Variants in ANKLE2 observed in about 807,000 individuals in gnomAD.
The protein encoded by ANKLE2 is ankyrin repeat and LEM domain-containing protein 2.
A neutral mutation model predicts 84.2 loss-of-function variants in ANKLE2; 55 were observed. The observed-to-expected ratio is 0.65, with a 90% confidence interval of 0.53 to 0.82. The LOEUF is 0.82. ANKLE2 is among the 40% of genes least tolerant of loss of function. The probability of loss-of-function intolerance (pLI) is 0.00; values close to 1 mark genes in which losing one functional copy is unlikely to be tolerated. For synonymous variants in ANKLE2, 551 were observed against 486.1 expected (o/e 1.13, Z -1.76); for missense variants, 1,238 against 1,201.9 (o/e 1.03, Z -0.44).
intron 9 of ANKLE2, chr12:132,734,796 G>A (rs147509638): frequency 1.9e-5 from 10 of 522,982 alleles, no homozygotes; most frequent in South Asian, 7.4e-5. Flanking sequence ...CTCAGGAGCC[G>A]TGAACCGGCT....
chr12:132,750,563 A>AC, intron 3 of ANKLE2, 80 bp downstream of exon 3: 1 of 1,487,658 alleles, frequency 6.7e-7, no homozygotes, highest in Non-Finnish European at 9.3e-7. Context: ...ACAAGTTACC[A>AC]CATCAGAGGA....
chr12:132,726,989 A>T lies in ANKLE2; in HGVS notation c.*253T>A. 2.0e-6 allele frequency: 1 copy of T among 504,312 alleles called. No individual in the cohort carries two copies. The highest frequency in any genetic ancestry group is 3.4e-6 in the Non-Finnish European group (1 of 291,514). 31.2% of individuals were successfully genotyped at this position (504,312 alleles called of 1,614,324 possible). A position where few individuals can be genotyped will look rare whatever the true frequency, so the allele number is the denominator to read the frequency against. On this transcript the variant is annotated 3_prime_UTR_variant, in exon 13 of 13. Transcript: ENST00000357997. The stretch of plus-strand genomic sequence containing the variant: ...TCAGACCTAGAAATTGCCACCTAAA[A>T]AGTCTACCATTACCACATGGATATT...
intron 10 of ANKLE2, 26 bp from the exon 11 acceptor site, chr12:132,730,296 A>C (rs367899576): frequency 2.9e-5 from 44 of 1,526,448 alleles, no homozygotes; most frequent in Non-Finnish European, 3.6e-5. Context: ...GGAGCACTTC[A>C]GTGATGGGAA....
chr12:132,749,518 C>T (rs1021511734), intron 3 of ANKLE2, among the ~76,000 whole-genome samples: 3 of 152,160 alleles, frequency 2.0e-5, no homozygotes, highest in Non-Finnish European at 4.4e-5. Flanking sequence ...GAAGGAAATC[C>T]GTACCTGTTA....
In ANKLE2 at chr12:132,729,281, G is replaced by A. The variant is rs536125980; in HGVS notation, c.2483+398C>T. Among the ~76,000 whole-genome samples the A allele has an allele frequency of 1.8e-3, 257 of 139,950 alleles. 2 individuals are homozygous for A. Among genetic ancestry groups the A allele is most frequent in the African/African-American group, 6.8e-3 (248 of 36,650 alleles). 91.8% of individuals were successfully genotyped at this position (139,950 alleles called of 152,430 possible). A position where few individuals can be genotyped will look rare whatever the true frequency, so the allele number is the denominator to read the frequency against. ...CAGGAGAATTGGTTGAACCTGGGAG[G>A]TGGAGGTTACAGTGAGCTGTGATCG... is the stretch of plus-strand genomic sequence containing the variant. On this transcript the variant is annotated intron_variant, in intron 11 of 12. Coordinates refer to ENST00000357997, the MANE Select transcript of ANKLE2 (RefSeq NM_015114.3).
At chr12:132,741,570 A>G (rs2044124021) in intron 6 of ANKLE2, 85 bp from the exon 7 acceptor site, 2 of 1,337,414 alleles carry the variant, frequency 1.5e-6, no homozygotes, top group African/African-American at 1.5e-5. Flanking sequence ...ATAGTTTTAA[A>G]CTCAGTAAAG....
chr12:132,740,446 G>T (rs2044098037), intron 7 of ANKLE2, among the ~76,000 whole-genome samples: 1 of 152,134 alleles, frequency 6.6e-6, no homozygotes, highest in Non-Finnish European at 1.5e-5. Flanking sequence ...TGCAAATGGT[G>T]GTGACAGCTT....
intron 9 of ANKLE2, 188 bp from the exon 10 acceptor site, chr12:132,734,763 G>A: frequency 3.3e-6 from 2 of 599,448 alleles, no homozygotes; most frequent in Non-Finnish European, 5.7e-6. Context: ...CCTCCTCACA[G>A]GTAAGCAGGA....
rs1351252158 is a variant in ANKLE2 at position 132,726,735 on chromosome 12, G to A, written c.*507C>T. On this transcript the variant is annotated 3_prime_UTR_variant, in exon 13 of 13. Coordinates refer to ENST00000357997, the MANE Select transcript of ANKLE2 (RefSeq NM_015114.3). ...CCTCTGTCTGAACCATGAGACCCAC[G>A]GGCGAACCAACAGGCACTCTGCCAC... is the stretch of plus-strand genomic sequence containing the variant. 1 of 153,010 alleles carries A rather than the reference G, an allele frequency of 6.5e-6. No individual in the cohort carries two copies. Among genetic ancestry groups the A allele is most frequent in the Non-Finnish European group, 1.5e-5 (1 of 68,646 alleles). 9.5% of individuals were successfully genotyped at this position (153,010 alleles called of 1,614,324 possible).
Position 132,754,965 on chromosome 12 carries a change from A to G in ANKLE2, c.350T>C (p.Leu117Pro), listed in dbSNP as rs1362246440. The change falls in exon 2 of 13, where the codon CTG becomes CCG. Residue 117 changes from leucine (L) to proline (P), a missense_variant. Leu to Pro is a moderately conservative substitution (Grantham distance 98, BLOSUM62 -3). Coordinates refer to ENST00000357997, the MANE Select transcript of ANKLE2 (RefSeq NM_015114.3). Reference protein sequence around the residue: ...AQALLEQGGRLSSFYHHEAGV... With the variant: ...AQALLEQGGRPSSFYHHEAGV... Reference sequence around the variant, plus strand: ...TGCCTCATGGTGGTAGAAAGAAGACAGCCTTCCTCCTTGCTCCAGTAAAGC... The same window carrying G: ...TGCCTCATGGTGGTAGAAAGAAGACGGCCTTCCTCCTTGCTCCAGTAAAGC... The G allele has an allele frequency of 6.2e-7, 1 of 1,614,230 alleles. No individual in the cohort carries two copies. The highest frequency in any genetic ancestry group is 2.2e-5 in the East Asian group (1 of 44,884).
rs1458246706 is a variant in ANKLE2 at position 132,725,517 on chromosome 12, AT to A, written c.*1724del. 1 of 152,192 alleles carries A rather than the reference AT, an allele frequency of 6.6e-6. No individual in the cohort carries two copies. Among genetic ancestry groups the A allele is most frequent in the Non-Finnish European group, 1.5e-5 (1 of 68,036 alleles). The allele number at this position is 152,192 out of a possible 1,614,324, so 9.4% of individuals were successfully genotyped here. ...TTACCACGCGGTTTTGAAGTAATTC[AT>A]TTCATTAAGTGTTTTGTGAAGGACA... is the stretch of plus-strand genomic sequence containing the variant. On this transcript the variant is annotated 3_prime_UTR_variant, in exon 13 of 13. Transcript: ENST00000357997.
intron 5 of ANKLE2, among the ~76,000 whole-genome samples, chr12:132,747,041 C>T (rs1380028386): frequency 6.6e-6 from 1 of 152,226 alleles, no homozygotes; most frequent in African/African-American, 2.4e-5. Flanking sequence ...ATGGGCCTGG[C>T]CCGGGGGGCA....
chr12:132,750,842 G>T lies in ANKLE2; in HGVS notation c.648C>A (p.Ile216=), dbSNP rs1345895636. 3 of 1,613,652 alleles carry T rather than the reference G, an allele frequency of 1.9e-6. No homozygotes were observed. The highest frequency in any genetic ancestry group is 1.7e-5 in the Admixed American group (1 of 59,980). Residue 216 remains isoleucine, a synonymous_variant, in exon 3 of 13, where the codon ATC becomes ATA. Coordinates refer to ENST00000357997, the MANE Select transcript of ANKLE2 (RefSeq NM_015114.3). ...YEDVPARNER[I]YVYENKKEAL... ...CTTCCTTTTTATTTTCATAAACATAGATCCTTTCTGGGTAAGAAAAGTAAC... is the reference window on the plus strand; with the variant it reads ...CTTCCTTTTTATTTTCATAAACATATATCCTTTCTGGGTAAGAAAAGTAAC...
rs756994775 is a variant in ANKLE2, at chr12:132,747,943, G to A, written c.1119C>T (p.Val373=). Residue 373 remains valine, a synonymous_variant, in exon 5 of 13, where the codon GTC becomes GTT. Coordinates refer to ENST00000357997, the MANE Select transcript of ANKLE2 (RefSeq NM_015114.3). ...GCCTCATGAAGTCAGGGTTCTCCAG[G>A]ACGTCCAGAGTCAGCTGGCAGATGG... ...QASICQLTLD[V]LENPDFMRLM... The A allele has an allele frequency of 6.2e-7, 1 of 1,601,640 alleles. No homozygotes were observed. The highest frequency in any genetic ancestry group is 8.5e-7 in the Non-Finnish European group (1 of 1,177,152).
chr12:132,754,780 G>C lies in ANKLE2; in HGVS notation c.535C>G (p.Pro179Ala), dbSNP rs756176214. The change falls in exon 2 of 13, where the codon CCC (proline) becomes GCC (alanine). Residue 179 changes from proline to alanine, a missense_variant. Physicochemically the swap from Pro to Ala is conservative, Grantham distance 27. Coordinates refer to ENST00000357997, the MANE Select transcript of ANKLE2 (RefSeq NM_015114.3). ...EAVTSKTCSV[P>A]PSDTDTYRAG... is the part of the protein sequence containing the mutation. ...CTGTAGGTGTCGGTGTCACTAGGGG[G>C]CACCGAGCAGGTCTTGGATGTCACA... The C allele has an allele frequency of 6.2e-7, 1 of 1,614,114 alleles. No individual in the cohort carries two copies. The highest frequency in any genetic ancestry group is 1.3e-5 in the African/African-American group (1 of 75,030).
intron 7 of ANKLE2, among the ~76,000 whole-genome samples, chr12:132,740,210 A>ACT (rs2044093106): frequency 6.6e-6 from 1 of 152,112 alleles, no homozygotes; most frequent in Non-Finnish European, 1.5e-5. Flanking sequence ...CTGAGGAGGA[A>ACT]CTCTCGCCGC....
At chr12:132,761,339 C>G (rs931389430) in intron 1 of ANKLE2, 9 of 291,258 alleles carry the variant, frequency 3.1e-5, no homozygotes, top group African/African-American at 1.1e-4. Context: ...AACGCCTCGC[C>G]GGGCCCCCGC....
intron 9 of ANKLE2, chr12:132,735,103 G>C (rs2043981232): frequency 4.9e-6 from 2 of 405,296 alleles, no homozygotes; most frequent in South Asian, 5.7e-5. Flanking sequence ...GGAATCCATA[G>C]CATTATATGG....
intron 7 of ANKLE2, chr12:132,738,750 TC>T (rs1267778420): frequency 2.0e-5 from 3 of 152,052 alleles, no homozygotes. Context: ...GGTCTCGATC[TC>T]CTGACCTTGT....
Sources: allele counts gnomAD v4.1 joint callset (sites outside exome capture counted in the v4.1 genomes callset), GRCh38; gene constraint gnomAD v4.1.1; transcripts MANE v1.5; gene names NCBI Gene and HGNC (gene_info 2026-07-23, HGNC 2026-07-21).